SIL1: variants seen among roughly 807,000 people sequenced by gnomAD.
SIL1 encodes the protein nucleotide exchange factor SIL1.
Under a neutral mutation model 49.1 loss-of-function variants are expected in SIL1, and 40 were observed. The observed-to-expected ratio is 0.81, with a 90% CI of 0.63 to 1.06. SIL1 has a LOEUF of 1.06. SIL1 is among the 50% of genes least tolerant of loss of function. The pLI is 0.00. For synonymous variants in SIL1, 253 were observed against 250.8 expected (o/e 1.01, Z -0.08); for missense variants, 500 against 572.6 (o/e 0.87, Z 1.29).
chr5:139,079,825 G>T (rs1770034143), intron 3 of SIL1, among the ~76,000 whole-genome samples: 1 of 152,168 alleles, frequency 6.6e-6, no homozygotes, highest in South Asian at 2.1e-4. Flanking sequence ...AGGTTTGAAG[G>T]AATCATCTCC....
At chr5:139,001,082 G>A (rs774350499) in intron 7 of SIL1, among the ~76,000 whole-genome samples, 27 of 141,884 alleles carry the variant, frequency 1.9e-4, no homozygotes, top group African/African-American at 5.9e-4. Context: ...CTGTGTGTGT[G>A]GGGGGGGAAA....
chr5:139,101,306 T>C (rs1320334839), intron 3 of SIL1, among the ~76,000 whole-genome samples: 2 of 152,294 alleles, frequency 1.3e-5, no homozygotes, highest in African/African-American at 4.8e-5. Flanking sequence ...AAACCCTTTA[T>C]ACTCCACCTC....
intron 1 of SIL1, among the ~76,000 whole-genome samples, chr5:139,173,643 A>G (rs1384383661): frequency 6.6e-6 from 1 of 152,030 alleles, no homozygotes; most frequent in Non-Finnish European, 1.5e-5. Flanking sequence ...TATAATGTGT[A>G]CATTAAAAAA....
chr5:139,182,197 A>G (rs1751996887), intron 1 of SIL1, among the ~76,000 whole-genome samples: 1 of 152,220 alleles, frequency 6.6e-6, no homozygotes, highest in African/African-American at 2.4e-5. Flanking sequence ...CAGGCAAGCC[A>G]GCAGGCAAGG....
At chr5:139,112,020 T>C (rs1334227831) in intron 3 of SIL1, among the ~76,000 whole-genome samples, 1 of 152,218 alleles carries the variant, frequency 6.6e-6, no homozygotes, top group Non-Finnish European at 1.5e-5. Flanking sequence ...GGTTTTCGTA[T>C]TTTTTTGCTG....
chr5:138,969,810 C>T (rs1472304614), intron 7 of SIL1, among the ~76,000 whole-genome samples: 5 of 152,226 alleles, frequency 3.3e-5, no homozygotes, highest in African/African-American at 1.2e-4. Context: ...AATGAATCTG[C>T]CACAGAGAGA....
Position 139,021,164 on chromosome 5 carries a change from T to C in SIL1, c.767+7A>G, listed in dbSNP as rs533759636. 1.9e-6 allele frequency: 3 copies of C among 1,614,186 alleles called. No individual in the cohort carries two copies. Among genetic ancestry groups the C allele is most frequent in the South Asian group, 2.2e-5 (2 of 91,076 alleles). ...CTGGCCATTGGGACGTCCATTATACTGCTCACCTGGAAAAGGCAGCGCCCA... is the reference window on the plus strand; with the variant it reads ...CTGGCCATTGGGACGTCCATTATACCGCTCACCTGGAAAAGGCAGCGCCCA... On this transcript the variant is annotated splice_region_variant and intron_variant, in intron 7 of 9. Coordinates refer to ENST00000394817, the MANE Select transcript of SIL1 (RefSeq NM_022464.5).
Position 138,951,799 on chromosome 5 carries a change from C to A in SIL1, c.853G>T (p.Ala285Ser). The A allele has an allele frequency of 6.2e-7, 1 of 1,614,014 alleles. No homozygotes were observed. Among genetic ancestry groups the A allele is most frequent in the Non-Finnish European group, 8.5e-7 (1 of 1,179,986 alleles). Residue 285 changes from alanine to serine, a missense_variant, in exon 8 of 10, where the codon GCA becomes TCA. Ala to Ser is a moderately conservative substitution (Grantham distance 99). Transcript: ENST00000394817. The part of the protein sequence containing the change: ...VILATEQPLT[A>S]KKKVLFALCS... ...GCATGGAAACACACCTTCTTCTTTG[C>A]AGTGAGCGGCTGCTCCGTGGCCAGG...
chr5:139,157,210 A>C (rs1990930), intron 1 of SIL1, among the ~76,000 whole-genome samples: 2 of 152,040 alleles, frequency 1.3e-5, no homozygotes, highest in Non-Finnish European at 1.5e-5. Context: ...TCTATCATCC[A>C]CAAGAGGAAG....
intron 3 of SIL1, among the ~76,000 whole-genome samples, chr5:139,088,054 C>A (rs969246577): frequency 6.6e-6 from 1 of 152,220 alleles, no homozygotes; most frequent in Non-Finnish European, 1.5e-5. Context: ...CAGGTTCTAT[C>A]CTTTGCCCTC....
At chr5:138,992,335 G>GACATC (rs927769163) in intron 7 of SIL1, among the ~76,000 whole-genome samples, 1 of 152,214 alleles carries the variant, frequency 6.6e-6, no homozygotes, top group Non-Finnish European at 1.5e-5. Flanking sequence ...CATGGGCTTT[G>GACATC]ACATCAATGC....
At chr5:139,106,480 G>C (rs1770715463) in intron 3 of SIL1, among the ~76,000 whole-genome samples, 1 of 152,218 alleles carries the variant, frequency 6.6e-6, no homozygotes, top group African/African-American at 2.4e-5. Context: ...CTGACAATAA[G>C]ATGTGTAAAT....
intron 1 of SIL1, among the ~76,000 whole-genome samples, chr5:139,193,083 G>A (rs1375639979): frequency 2.0e-5 from 3 of 151,244 alleles, no homozygotes; most frequent in Non-Finnish European, 2.9e-5. Context: ...TAAAAAACTG[G>A]CCTTGATGAC....
At chr5:139,021,872 A>G (rs1328624556) in intron 6 of SIL1, 1 of 187,242 alleles carries the variant, frequency 5.3e-6, no homozygotes, top group Non-Finnish European at 1.1e-5. Context: ...ATATGCAAGA[A>G]AATCGCTCTC....
intron 1 of SIL1, among the ~76,000 whole-genome samples, chr5:139,176,539 A>C (rs1751887058): frequency 6.6e-6 from 1 of 152,192 alleles, no homozygotes; most frequent in Admixed American, 6.5e-5. Context: ...TGGATAATTT[A>C]TATATAACAG....
intron 3 of SIL1, among the ~76,000 whole-genome samples, chr5:139,111,584 G>A (rs955144860): frequency 6.6e-6 from 1 of 152,104 alleles, no homozygotes; most frequent in African/African-American, 2.4e-5. Context: ...CCTCTGTCAT[G>A]CCCACCATGG....
intron 1 of SIL1, among the ~76,000 whole-genome samples, chr5:139,132,599 C>T (rs989568656): frequency 3.3e-5 from 5 of 152,070 alleles, no homozygotes; most frequent in African/African-American, 1.2e-4. Flanking sequence ...TGAGGAGAGA[C>T]CTAGGTGAGG....
intron 1 of SIL1, among the ~76,000 whole-genome samples, chr5:139,149,635 A>G (rs1751259455): frequency 6.6e-6 from 1 of 152,210 alleles, no homozygotes; most frequent in Non-Finnish European, 1.5e-5. Flanking sequence ...AAGACAACAG[A>G]CGTCTCATTC....
At chr5:139,120,409 T>C (rs1750599392) in intron 3 of SIL1, among the ~76,000 whole-genome samples, 1 of 152,118 alleles carries the variant, frequency 6.6e-6, no homozygotes, top group South Asian at 2.1e-4. Context: ...ATAATAATAG[T>C]TCCTATTATT....
Sources: gnomAD v4.1 joint callset for allele counts (sites outside exome capture counted in the v4.1 genomes callset) on GRCh38, gnomAD v4.1.1 for gene constraint, MANE v1.5 for transcripts, NCBI Gene and HGNC (gene_info 2026-07-23, HGNC 2026-07-21) for gene names.